The following EMX1 variants were observed in gnomAD, a reference collection of about 807,000 sequenced individuals.
The protein encoded by EMX1 is empty spiracles homeobox 1, also known as homeobox protein EMX1.
A neutral mutation model predicts 20.1 loss-of-function variants in EMX1; 10 were observed. The ratio of observed to expected loss-of-function variants is 0.50; its 90% CI spans 0.31 to 0.84. The LOEUF is 0.84. Ranked by LOEUF, EMX1 falls within the 40% of genes least tolerant of loss-of-function variation. EMX1 has a pLI of 0.05. For synonymous variants in EMX1, 250 were observed against 200.4 expected (o/e 1.25, Z -2.09); for missense variants, 424 against 431.9 (o/e 0.98, Z 0.16).
chr2:72,921,390 T>G (rs550722536), intron 1 of EMX1, among the ~76,000 whole-genome samples: 1 of 152,310 alleles, frequency 6.6e-6, no homozygotes, highest in African/African-American at 2.4e-5. Context: ...GGCCGCACCC[T>G]AGACCCAAGT....
intron 2 of EMX1, among the ~76,000 whole-genome samples, chr2:72,932,795 G>T (rs1403376784): frequency 6.6e-6 from 1 of 152,196 alleles, no homozygotes; most frequent in Non-Finnish European, 1.5e-5. Context: ...CTCACTGCCA[G>T]ACACAGAATA....
At chr2:72,919,663 A>G (rs1373138075) in intron 1 of EMX1, among the ~76,000 whole-genome samples, 1 of 152,256 alleles carries the variant, frequency 6.6e-6, no homozygotes, top group Non-Finnish European at 1.5e-5. Flanking sequence ...CACCTGGCCA[A>G]TAGATGCTGA....
intron 2 of EMX1, chr2:72,933,482 C>CT (rs1312066747): frequency 2.8e-6 from 1 of 352,866 alleles, no homozygotes; most frequent in African/African-American, 2.1e-5. Flanking sequence ...TCCACCTTGG[C>CT]TTGGCTTTGC....
intron 2 of EMX1, among the ~76,000 whole-genome samples, chr2:72,924,706 C>G (rs1671165174): frequency 6.6e-6 from 1 of 152,232 alleles, no homozygotes; most frequent in South Asian, 2.1e-4. Flanking sequence ...TTTTGTCAAG[C>G]GCTAAAGACC....
At chr2:72,916,505 T>G (rs1248866887), upstream of EMX1, 3 of 596,314 alleles carry the variant, frequency 5.0e-6, no homozygotes, top group Non-Finnish European at 6.0e-6. Flanking sequence ...GTGGGAAAGT[T>G]TGGGGAGTCC....
intron 1 of EMX1, among the ~76,000 whole-genome samples, chr2:72,922,791 C>G (rs1042054033): frequency 6.6e-6 from 1 of 152,234 alleles, no homozygotes; most frequent in Non-Finnish European, 1.5e-5. Flanking sequence ...TTTTGATTCA[C>G]TTACATAGAT....
At chr2:72,916,303 G>A, upstream of EMX1, 4 of 236,954 alleles carry the variant, frequency 1.7e-5, no homozygotes, top group South Asian at 2.3e-4. Flanking sequence ...GGCGTCAGGA[G>A]GCCCAACCCA....
At chr2:72,923,689 C>T (rs13035554) in intron 1 of EMX1, 2 of 159,060 alleles carry the variant, frequency 1.3e-5, no homozygotes, top group Non-Finnish European at 2.8e-5. Context: ...AGTTAGTAGC[C>T]TGAGCATTCA....
In EMX1 at chr2:72,930,861, A is replaced by T. The variant is rs114863339; in HGVS notation, c.706-2926A>T. 2.6e-3 allele frequency among the ~76,000 whole-genome samples: 390 copies of T among 152,338 alleles called. 2 individuals carry two copies. The highest frequency in any genetic ancestry group is 0.017 in the Middle Eastern group (5 of 294). On this transcript the variant is annotated intron_variant, in intron 2 of 2. Transcript: ENST00000258106. The surrounding 1 kb of genome is among the most constrained non-coding windows in gnomAD (Gnocchi z 4.4). ...TATTAAGGAAAATTCAGAAAAGTAG[A>T]AAGAAGAAAGAAACATCACCCACAC...
intron 1 of EMX1, among the ~76,000 whole-genome samples, chr2:72,923,211 C>T (rs1030487264): frequency 2.6e-5 from 4 of 152,102 alleles, no homozygotes; most frequent in African/African-American, 9.7e-5. Context: ...CATGTGGGAG[C>T]TGAGTCCCTA....
chr2:72,916,271 C>G (rs113107547), upstream of EMX1: 6,170 of 200,800 alleles, frequency 0.031, 152 homozygotes, highest in Non-Finnish European at 0.043. Flanking sequence ...AGTTGCGCGG[C>G]GCACGGACCC....
At position 72,930,489 on chromosome 2, in the gene EMX1, G is replaced by A. The variant is rs1463696624; in HGVS notation, c.706-3298G>A. Among the ~76,000 whole-genome samples, 1 of 152,194 alleles carries A rather than the reference G, an allele frequency of 6.6e-6. No individual in the cohort carries two copies. Among genetic ancestry groups the A allele is most frequent in the Non-Finnish European group, 1.5e-5 (1 of 68,038 alleles). On this transcript the variant is annotated intron_variant, in intron 2 of 2. Coordinates refer to ENST00000258106, the MANE Select transcript of EMX1 (RefSeq NM_004097.3). The surrounding 1 kb of genome is among the most constrained non-coding windows in gnomAD (Gnocchi z 4.4). ...AGATGTTCACTTCACAGTGAAATGA[G>A]GACTTGGGAGACCACAAGGGACCTC...
Position 72,925,609 on chromosome 2 carries a change from C to G in EMX1, c.705+1116C>G, listed in dbSNP as rs1336844400. 13 of 1,261,944 alleles carry G rather than the reference C, an allele frequency of 1.0e-5. No homozygotes were observed. The East Asian group carries it at 7.5e-4, about 72-fold the overall frequency. 78.2% of individuals were successfully genotyped at this position (1,261,944 alleles called of 1,614,324 possible). A position where few individuals can be genotyped will look rare whatever the true frequency, so the allele number is the denominator to read the frequency against. On this transcript the variant is annotated intron_variant, in intron 2 of 2. Transcript: ENST00000258106. ...CCTTCCGCTCCCCTTTCCTCCTAGT[C>G]TCGACCCTACTACACCACCGTCCCC...
Position 72,917,808 on chromosome 2 carries a change from C to A in EMX1, c.-45C>A. 1.6e-6 allele frequency: 2 copies of A among 1,273,776 alleles called. No homozygotes were observed. The highest frequency in any genetic ancestry group is 2.0e-6 in the Non-Finnish European group (2 of 1,013,008). The allele number at this position is 1,273,776 out of a possible 1,614,324, so 78.9% of individuals were successfully genotyped here. On this transcript the variant is annotated 5_prime_UTR_variant, in exon 1 of 3. Transcript: ENST00000258106. ...GCCTGGCTCGCCCGCGGGGGCCGAG[C>A]GCGAGCGGGCGGGCGGGGGAGGTGA...
At chr2:72,916,240 C>T, upstream of EMX1, 1 of 167,468 alleles carries the variant, frequency 6.0e-6, no homozygotes, top group Non-Finnish European at 1.3e-5. Flanking sequence ...GCTGCCAAGA[C>T]CCGGCCTGGA....
chr2:72,918,242 G>A lies in EMX1; in HGVS notation c.390G>A (p.Val130=). Residue 130 remains valine, a synonymous_variant, in exon 1 of 3, where the codon GTG becomes GTA. Coordinates refer to ENST00000258106, the MANE Select transcript of EMX1 (RefSeq NM_004097.3). The part of the protein sequence containing the change: ...PEAMNHPALT[V]HPAHQLGASP... ...CCATGAACCACCCCGCGCTGACCGT[G>A]CATCCGGCGCACCAGCTGGGCGCCT... 6.3e-7 allele frequency: 1 copy of A among 1,580,762 alleles called. No individual in the cohort carries two copies. The highest frequency in any genetic ancestry group is 1.7e-5 in the Admixed American group (1 of 57,766).
At chr2:72,925,948 C>T in intron 2 of EMX1, 1 of 985,386 alleles carries the variant, frequency 1.0e-6, no homozygotes, top group Non-Finnish European at 1.2e-6. Context: ...ATTTTAAAAA[C>T]GTTTCAAAGA....
upstream of EMX1, chr2:72,916,279 C>A (rs987832643): frequency 4.8e-6 from 1 of 210,284 alleles, no homozygotes; most frequent in East Asian, 1.6e-4. Flanking sequence ...GGCGCACGGA[C>A]CCCGTGGCCT....
rs962756839 is a variant in EMX1 at position 72,930,765 on chromosome 2, T to C, written c.706-3022T>C. Among the ~76,000 whole-genome samples the C allele has an allele frequency of 6.6e-6, 1 of 152,196 alleles. No homozygotes were observed. The highest frequency in any genetic ancestry group is 2.4e-5 in the African/African-American group (1 of 41,440). ...GAGAGGTCATGAAATGTCACTCTCA[T>C]CTCCTAATACACTCAGAGCCCAGTT... On this transcript the variant is annotated intron_variant, in intron 2 of 2. Transcript: ENST00000258106. The surrounding 1 kb of genome is among the most constrained non-coding windows in gnomAD (Gnocchi z 4.4).
Sources: allele counts gnomAD v4.1 joint callset (sites outside exome capture counted in the v4.1 genomes callset), GRCh38; gene constraint gnomAD v4.1.1; non-coding constraint Gnocchi (gnomAD v3.1); transcripts MANE v1.5; gene names NCBI Gene and HGNC (gene_info 2026-07-23, HGNC 2026-07-21).